The following SLC23A2 variants were observed in gnomAD, a reference collection of about 807,000 sequenced individuals.
SLC23A2 encodes the protein Na(+)/L-ascorbic acid transporter 2.
In SLC23A2, 36 loss-of-function variants were observed where a neutral mutation model predicts 73.3. That is an observed-to-expected ratio of 0.49 (90% CI 0.38 to 0.65). The LOEUF (loss-of-function observed/expected upper bound fraction) is 0.65, where lower values mean the gene tolerates loss of function less well. SLC23A2 is among the 30% of genes least tolerant of loss of function. The pLI, the probability that SLC23A2 is intolerant of heterozygous loss-of-function variation, is 0.00. For missense variants in SLC23A2, 507 were observed against 841.6 expected (o/e 0.60, Z 4.92); for synonymous variants, 343 against 327.3 (o/e 1.05, Z -0.52).
At chr20:4,901,322 C>T (rs891659265) in intron 5 of SLC23A2, among the ~76,000 whole-genome samples, 1 of 152,138 alleles carries the variant, frequency 6.6e-6, no homozygotes, top group African/African-American at 2.4e-5. Flanking sequence ...ATCAACCTCT[C>T]TGGACAATGA....
chr20:4,886,351 G>A (rs973286857), intron 6 of SLC23A2, among the ~76,000 whole-genome samples: 3 of 152,022 alleles, frequency 2.0e-5, no homozygotes, highest in Non-Finnish European at 2.9e-5. Flanking sequence ...ATTTCCCTCC[G>A]TTGTTTCATT....
chr20:4,909,696 G>A (rs1932076754), intron 4 of SLC23A2, among the ~76,000 whole-genome samples: 2 of 152,080 alleles, frequency 1.3e-5, no homozygotes, highest in South Asian at 2.1e-4. Flanking sequence ...TGGGATTACA[G>A]GCGAATGTCA....
chr20:4,878,858 T>C (rs1019847015), intron 9 of SLC23A2, among the ~76,000 whole-genome samples: 4 of 152,222 alleles, frequency 2.6e-5, no homozygotes, highest in Non-Finnish European at 5.9e-5. Context: ...AGGACCACAG[T>C]ATTATTTATG....
At chr20:4,888,730 C>T (rs1342775909) in intron 6 of SLC23A2, among the ~76,000 whole-genome samples, 1 of 152,208 alleles carries the variant, frequency 6.6e-6, no homozygotes, top group Non-Finnish European at 1.5e-5. Context: ...GAAAATATCA[C>T]CTCCTCCAGC....
At chr20:5,003,376 T>C (rs942667865), upstream of SLC23A2, among the ~76,000 whole-genome samples, 1 of 152,014 alleles carries the variant, frequency 6.6e-6, no homozygotes, top group African/African-American at 2.4e-5. Flanking sequence ...AGAGCAAGAC[T>C]CCGTCTCAAA....
At chr20:4,873,589 C>T (rs1930536556) in intron 11 of SLC23A2, among the ~76,000 whole-genome samples, 1 of 152,234 alleles carries the variant, frequency 6.6e-6, no homozygotes, top group East Asian at 1.9e-4. Flanking sequence ...TCCACTTTGG[C>T]AGCTCTGGGA....
intron 1 of SLC23A2, among the ~76,000 whole-genome samples, chr20:4,988,428 C>A (rs1410896280): frequency 6.6e-6 from 1 of 152,072 alleles, no homozygotes; most frequent in Admixed American, 6.6e-5. Context: ...CATGGTGAAA[C>A]CCTGTCTCTA....
chr20:4,902,703 A>G lies in SLC23A2; in HGVS notation c.208-145T>C. ...AGTTTTGAGCCTTGGCTATCTTTGAAGCCAAGTATTCTCTTTGGCTCAAGT... is the reference window on the plus strand; with the variant it reads ...AGTTTTGAGCCTTGGCTATCTTTGAGGCCAAGTATTCTCTTTGGCTCAAGT... On this transcript the variant is annotated intron_variant, in intron 4 of 16. Coordinates refer to ENST00000338244, the MANE Select transcript of SLC23A2 (RefSeq NM_005116.6). This position sits in a 1 kb window ranked among gnomAD's most constrained non-coding sequence, Gnocchi z 4.0. 1 of 547,250 alleles carries G rather than the reference A, an allele frequency of 1.8e-6. No homozygotes were observed. Among genetic ancestry groups the G allele is most frequent in the Non-Finnish European group, 3.2e-6 (1 of 308,550 alleles). 33.9% of individuals were successfully genotyped at this position (547,250 alleles called of 1,614,324 possible).
chr20:4,962,321 G>A (rs1161170999), intron 2 of SLC23A2, among the ~76,000 whole-genome samples: 2 of 152,076 alleles, frequency 1.3e-5, no homozygotes, highest in Non-Finnish European at 2.9e-5. Context: ...AGCTCAGAGA[G>A]GGAGGAGACC....
chr20:4,975,862 T>C (rs1166695967), intron 1 of SLC23A2, among the ~76,000 whole-genome samples: 2 of 151,170 alleles, frequency 1.3e-5, no homozygotes, highest in South Asian at 2.1e-4. Context: ...TTCTTTCTTT[T>C]TTTTTTTTTG....
intron 9 of SLC23A2, among the ~76,000 whole-genome samples, chr20:4,881,403 AGAGAT>A (rs1386111284): frequency 6.6e-6 from 1 of 152,222 alleles, no homozygotes; most frequent in Non-Finnish European, 1.5e-5. Flanking sequence ...CCCCATACTT[AGAGAT>A]AAGAGTGAGG....
chr20:4,918,212 G>A (rs952965023), intron 3 of SLC23A2, among the ~76,000 whole-genome samples: 19 of 152,082 alleles, frequency 1.2e-4, no homozygotes, highest in African/African-American at 4.1e-4. Flanking sequence ...TCTTGGCATC[G>A]TTCACCTCAG....
chr20:4,911,763 G>A (rs376372119), intron 4 of SLC23A2, among the ~76,000 whole-genome samples: 192 of 152,160 alleles, frequency 1.3e-3, no homozygotes, highest in African/African-American at 4.4e-3. Flanking sequence ...CTTCTCATAT[G>A]TTAGACATCA....
chr20:4,965,450 T>A lies in SLC23A2; in HGVS notation c.-155+5343A>T, dbSNP rs72550897. ...TTATTTGAAAAAGAAATGAGACTCATTCATTGCAACCAAACTTTAACTTGT... is the reference window on the plus strand; with the variant it reads ...TTATTTGAAAAAGAAATGAGACTCAATCATTGCAACCAAACTTTAACTTGT... On this transcript the variant is annotated intron_variant, in intron 2 of 16. Transcript: ENST00000338244. 4.1e-3 allele frequency among the ~76,000 whole-genome samples: 620 copies of A among 152,298 alleles called. 3 individuals carry two copies. The highest frequency in any genetic ancestry group is 7.4e-3 in the Non-Finnish European group (502 of 68,024).
At chr20:4,908,003 A>C (rs935837375) in intron 4 of SLC23A2, among the ~76,000 whole-genome samples, 1 of 152,224 alleles carries the variant, frequency 6.6e-6, no homozygotes, top group African/African-American at 2.4e-5. Flanking sequence ...GCTGCAAAAC[A>C]GAGTAAGTGT....
intron 13 of SLC23A2, among the ~76,000 whole-genome samples, chr20:4,867,051 G>A (rs1306048193): frequency 1.1e-5 from 1 of 90,510 alleles, no homozygotes; most frequent in Non-Finnish European, 2.1e-5. Context: ...CAGTCAAAGC[G>A]ATCCCTAAAA....
At chr20:4,941,901 A>G (rs1254765295) in intron 2 of SLC23A2, among the ~76,000 whole-genome samples, 1 of 152,222 alleles carries the variant, frequency 6.6e-6, no homozygotes, top group African/African-American at 2.4e-5. Context: ...GTGTATGTGT[A>G]AAGTATGTGG....
At chr20:4,918,923 ATG>A (rs1932413272) in intron 3 of SLC23A2, among the ~76,000 whole-genome samples, 1 of 152,110 alleles carries the variant, frequency 6.6e-6, no homozygotes, top group Admixed American at 6.5e-5. Context: ...CCCCTCCTCA[ATG>A]TGTGCACACA....
At chr20:4,920,436 C>A (rs1017139348) in intron 3 of SLC23A2, among the ~76,000 whole-genome samples, 3 of 152,172 alleles carry the variant, frequency 2.0e-5, no homozygotes, top group Non-Finnish European at 4.4e-5. Flanking sequence ...TCCCCTCTGA[C>A]TCAAAAATCT....
Sources: allele counts gnomAD v4.1 joint callset (sites outside exome capture counted in the v4.1 genomes callset), GRCh38; gene constraint gnomAD v4.1.1; non-coding constraint Gnocchi (gnomAD v3.1); transcripts MANE v1.5; gene names NCBI Gene and HGNC (gene_info 2026-07-23, HGNC 2026-07-21).